Variants in HNF4G observed in about 807,000 individuals in gnomAD.
HNF4G encodes the protein hepatocyte nuclear factor 4-gamma.
A neutral mutation model predicts 50.9 loss-of-function variants in HNF4G; 21 were observed. The ratio of observed to expected loss-of-function variants is 0.41; its 90% CI spans 0.29 to 0.59. The LOEUF is 0.59. HNF4G is among the 20% of genes least tolerant of loss of function. HNF4G has a pLI of 0.26. For missense variants in HNF4G, 527 were observed against 559.4 expected (o/e 0.94, Z 0.58); for synonymous variants, 198 against 185.6 (o/e 1.07, Z -0.54).
chr8:75,525,203 T>C (rs1017950537), intron 2 of HNF4G, among the ~76,000 whole-genome samples: 1 of 152,224 alleles, frequency 6.6e-6, no homozygotes, highest in African/African-American at 2.4e-5. Flanking sequence ...AGGGTCTTGC[T>C]CTGTCTCCCA....
intron 2 of HNF4G, among the ~76,000 whole-genome samples, chr8:75,520,665 C>A (rs754326414): frequency 6.6e-6 from 1 of 151,866 alleles, no homozygotes; most frequent in Non-Finnish European, 1.5e-5. Flanking sequence ...CTCAAACTCC[C>A]GAGCTCAAAT....
intron 2 of HNF4G, among the ~76,000 whole-genome samples, chr8:75,492,505 C>T (rs1812655482): frequency 6.6e-6 from 1 of 152,200 alleles, no homozygotes; most frequent in Admixed American, 6.5e-5. Flanking sequence ...TATGTTTGCA[C>T]ATTTCACATA....
At chr8:75,531,551 G>A (rs1016351674) in intron 2 of HNF4G, among the ~76,000 whole-genome samples, 5 of 151,914 alleles carry the variant, frequency 3.3e-5, no homozygotes, top group Non-Finnish European at 7.4e-5. Context: ...TTATTTGGAT[G>A]AAATATCCCT....
chr8:75,415,401 T>C (rs1199679528), intron 1 of HNF4G, among the ~76,000 whole-genome samples: 1 of 152,012 alleles, frequency 6.6e-6, no homozygotes, highest in Non-Finnish European at 1.5e-5. Flanking sequence ...GAATAGCATG[T>C]ACAAAAAAAG....
At chr8:75,486,260 C>A (rs1350235901) in intron 1 of HNF4G, among the ~76,000 whole-genome samples, 2 of 152,140 alleles carry the variant, frequency 1.3e-5, no homozygotes, top group Non-Finnish European at 2.9e-5. Context: ...TCAGCCTTGG[C>A]CAAATAATTT....
chr8:75,412,908 G>A (rs1810535122), intron 1 of HNF4G, among the ~76,000 whole-genome samples: 1 of 152,002 alleles, frequency 6.6e-6, no homozygotes, highest in Admixed American at 6.6e-5. Flanking sequence ...ATTATATTAG[G>A]ATAACAGATA....
chr8:75,453,192 T>C (rs986965317), intron 1 of HNF4G, among the ~76,000 whole-genome samples: 7 of 152,208 alleles, frequency 4.6e-5, no homozygotes, highest in South Asian at 2.1e-4. Context: ...ATTACACTTA[T>C]TTGAGCCTCC....
intron 1 of HNF4G, among the ~76,000 whole-genome samples, chr8:75,455,709 A>G (rs984970035): frequency 1.3e-5 from 2 of 152,166 alleles, no homozygotes; most frequent in Non-Finnish European, 2.9e-5. Flanking sequence ...ACTCTTAAAA[A>G]GCTCATAGAA....
chr8:75,456,852 C>T (rs926115055), intron 1 of HNF4G, among the ~76,000 whole-genome samples: 59 of 152,096 alleles, frequency 3.9e-4, no homozygotes, highest in African/African-American at 1.3e-3. Flanking sequence ...GCGATTCCCC[C>T]ACTTCAGGCT....
At chr8:75,538,250 C>T (rs973525070), upstream of HNF4G, among the ~76,000 whole-genome samples, 1 of 152,150 alleles carries the variant, frequency 6.6e-6, no homozygotes, top group Non-Finnish European at 1.5e-5. Flanking sequence ...AAGATCTGTG[C>T]TTAGATCCAT....
chr8:75,544,094 T>A, intron 2 of HNF4G, 115 bp downstream of exon 2: 1 of 864,694 alleles, frequency 1.2e-6, no homozygotes. Context: ...ATAAATACAA[T>A]CTCTAAACTG....
chr8:75,420,591 C>T (rs912215220), intron 1 of HNF4G, among the ~76,000 whole-genome samples: 3 of 152,150 alleles, frequency 2.0e-5, no homozygotes, highest in Non-Finnish European at 4.4e-5. Flanking sequence ...ATATTCCTTC[C>T]AAACCCTTCC....
At chr8:75,444,389 G>A (rs1225120481) in intron 1 of HNF4G, among the ~76,000 whole-genome samples, 2 of 151,274 alleles carry the variant, frequency 1.3e-5, no homozygotes, top group African/African-American at 2.4e-5. Context: ...AAAATAACCA[G>A]CTAACATCAT....
At chr8:75,556,437 C>T (rs1029387366) in intron 6 of HNF4G, among the ~76,000 whole-genome samples, 2 of 152,036 alleles carry the variant, frequency 1.3e-5, no homozygotes, top group Admixed American at 6.6e-5. Flanking sequence ...TTTTATTTTA[C>T]ACACTTTAAA....
chr8:75,495,956 T>G (rs2130694257), intron 2 of HNF4G, among the ~76,000 whole-genome samples: 1 of 152,274 alleles, frequency 6.6e-6, no homozygotes. Flanking sequence ...GATCAATTAT[T>G]TATTCTCTCC....
chr8:75,435,218 G>T (rs899305164), intron 1 of HNF4G, among the ~76,000 whole-genome samples: 1 of 152,090 alleles, frequency 6.6e-6, no homozygotes, highest in Non-Finnish European at 1.5e-5. Flanking sequence ...ATGATCACAG[G>T]TTTATTATAG....
chr8:75,503,378 CTTAA>C (rs972049204), intron 2 of HNF4G, among the ~76,000 whole-genome samples: 6 of 152,198 alleles, frequency 3.9e-5, no homozygotes, highest in African/African-American at 1.2e-4. Flanking sequence ...AGATTGATCA[CTTAA>C]TTAATGCCAT....
intron 2 of HNF4G, among the ~76,000 whole-genome samples, chr8:75,518,919 T>C (rs1446275343): frequency 6.6e-6 from 1 of 152,208 alleles, no homozygotes; most frequent in Non-Finnish European, 1.5e-5. Flanking sequence ...GTTTTTCTTT[T>C]CTGTTGCATC....
chr8:75,437,739 A>G (rs1811173261), intron 1 of HNF4G, among the ~76,000 whole-genome samples: 1 of 152,016 alleles, frequency 6.6e-6, no homozygotes, highest in Non-Finnish European at 1.5e-5. Context: ...AACAATAAAT[A>G]TAAAAACATG....
Sources: allele counts gnomAD v4.1 joint callset (sites outside exome capture counted in the v4.1 genomes callset), GRCh38; gene constraint gnomAD v4.1.1; transcripts MANE v1.5; gene names NCBI Gene and HGNC (gene_info 2026-07-23, HGNC 2026-07-21).